The following NECAB1 variants were observed in gnomAD, a reference collection of about 807,000 sequenced individuals.
NECAB1 encodes the protein N-terminal EF-hand calcium binding protein 1.
In NECAB1, 29 loss-of-function variants were observed where a neutral mutation model predicts 57.5. The ratio of observed to expected loss-of-function variants is 0.50; its 90% confidence interval spans 0.38 to 0.69. The LOEUF is 0.69. NECAB1 is among the 30% of genes least tolerant of loss of function. The probability of loss-of-function intolerance (pLI) is 0.00; values close to 1 mark genes in which losing one functional copy is unlikely to be tolerated. For synonymous variants in NECAB1, 142 were observed against 147.7 expected (o/e 0.96, Z 0.28); for missense variants, 372 against 413.8 (o/e 0.90, Z 0.88).
chr8:90,871,971 C>T (rs1292368108), intron 3 of NECAB1, among the ~76,000 whole-genome samples, 157 bp from the exon 4 acceptor site: 1 of 152,116 alleles, frequency 6.6e-6, no homozygotes, highest in African/African-American at 2.4e-5. Context: ...TGACCTAAGA[C>T]TATTTAAATA....
chr8:90,897,142 C>T (rs185862927), intron 5 of NECAB1, among the ~76,000 whole-genome samples: 99 of 152,304 alleles, frequency 6.5e-4, no homozygotes, highest in African/African-American at 2.3e-3. Context: ...TCTTCAATTA[C>T]AAGCCAAATT....
intron 4 of NECAB1, among the ~76,000 whole-genome samples, chr8:90,877,051 G>C (rs1248603451): frequency 6.6e-6 from 1 of 152,150 alleles, no homozygotes; most frequent in Non-Finnish European, 1.5e-5. Flanking sequence ...TACTCACACT[G>C]GTATTGTGAT....
At chr8:90,936,892 T>C (rs1810552712) in intron 9 of NECAB1, among the ~76,000 whole-genome samples, 1 of 152,196 alleles carries the variant, frequency 6.6e-6, no homozygotes, top group Non-Finnish European at 1.5e-5. Context: ...CAATTCTATT[T>C]AGTCCTCCCA....
chr8:90,824,033 ATC>A (rs1812187015), intron 2 of NECAB1, among the ~76,000 whole-genome samples: 1 of 11,644 alleles, frequency 8.6e-5, no homozygotes, highest in Admixed American at 1.2e-3. Flanking sequence ...AATGGAAAGA[ATC>A]TTTTGTTACC....
At chr8:90,947,566 A>G (rs933903514) in intron 10 of NECAB1, among the ~76,000 whole-genome samples, 6 of 151,822 alleles carry the variant, frequency 4.0e-5, no homozygotes, top group African/African-American at 1.5e-4. Context: ...GTGCCCAGCT[A>G]ATTTTTGTAT....
In NECAB1 at chr8:90,918,154, C is replaced by T. The variant is rs557981759; in HGVS notation, c.494+526C>T. ...CCTCCCAAATAGGTGGGATTACAGGCACACACCACCACGTCCAGCTAATTT... is the reference window on the plus strand; with the variant it reads ...CCTCCCAAATAGGTGGGATTACAGGTACACACCACCACGTCCAGCTAATTT... On this transcript the variant is annotated intron_variant, in intron 6 of 12. Transcript: ENST00000417640. Among the ~76,000 whole-genome samples, 8 of 150,778 alleles carry T rather than the reference C, an allele frequency of 5.3e-5. No individual in the cohort carries two copies. In the South Asian group the frequency reaches 1.0e-3, roughly 20 times the overall value.
intron 3 of NECAB1, among the ~76,000 whole-genome samples, chr8:90,825,833 C>T (rs1467437410): frequency 6.6e-6 from 1 of 151,802 alleles, no homozygotes; most frequent in Non-Finnish European, 1.5e-5. Context: ...TTGACAGAAA[C>T]AGTATTCATG....
At chr8:90,923,909 G>A (rs1366551734) in intron 6 of NECAB1, among the ~76,000 whole-genome samples, 2 of 152,156 alleles carry the variant, frequency 1.3e-5, no homozygotes, top group Non-Finnish European at 2.9e-5. Flanking sequence ...TTGTAAAACA[G>A]CAATTCCAGA....
At chr8:90,925,706 GT>G (rs1554576447) in intron 7 of NECAB1, 50 bp downstream of exon 7, 2 of 1,602,388 alleles carry the variant, frequency 1.2e-6, no homozygotes, top group Non-Finnish European at 1.7e-6. Context: ...TTTATCTTGC[GT>G]TTTCCAATTG....
intron 9 of NECAB1, among the ~76,000 whole-genome samples, chr8:90,937,843 G>T (rs956465545): frequency 1.3e-5 from 2 of 152,040 alleles, no homozygotes; most frequent in Non-Finnish European, 2.9e-5. Flanking sequence ...ATATAAAATC[G>T]ACGGATAATG....
chr8:90,876,785 T>C (rs992599928), intron 4 of NECAB1, among the ~76,000 whole-genome samples: 1 of 152,300 alleles, frequency 6.6e-6, no homozygotes, highest in African/African-American at 2.4e-5. Context: ...TACTTTTTCA[T>C]CATACCTAAT....
intron 2 of NECAB1, among the ~76,000 whole-genome samples, chr8:90,819,351 A>G (rs1812107023): frequency 6.6e-6 from 1 of 151,846 alleles, no homozygotes; most frequent in Admixed American, 6.6e-5. Context: ...GCATTTTAGC[A>G]TGATTTGTGA....
intron 2 of NECAB1, among the ~76,000 whole-genome samples, chr8:90,815,641 A>G (rs1397131026): frequency 6.6e-6 from 1 of 152,038 alleles, no homozygotes; most frequent in Non-Finnish European, 1.5e-5. Context: ...AATTGGAATC[A>G]TATATTATGT....
intron 2 of NECAB1, among the ~76,000 whole-genome samples, chr8:90,820,933 A>G (rs562958739): frequency 7.0e-4 from 106 of 152,026 alleles, no homozygotes; most frequent in Non-Finnish European, 1.3e-3. Flanking sequence ...TGTTTTCTAT[A>G]TAGCCTTTCT....
At position 90,917,640 on chromosome 8, in the gene NECAB1, G is replaced by C; in HGVS notation, c.494+12G>C. 6.2e-7 allele frequency: 1 copy of C among 1,600,490 alleles called. No individual in the cohort carries two copies. The highest frequency in any genetic ancestry group is 8.5e-7 in the Non-Finnish European group (1 of 1,172,576). Reference sequence around the variant, plus strand: ...ACCCGTCAAGAAAGGCAATTTACATGTTTTCATCTGATGTCTATTTAGTGA... The same window carrying C: ...ACCCGTCAAGAAAGGCAATTTACATCTTTTCATCTGATGTCTATTTAGTGA... On this transcript the variant is annotated intron_variant, in intron 6 of 12. Coordinates refer to ENST00000417640, the MANE Select transcript of NECAB1 (RefSeq NM_022351.5).
At chr8:90,825,673 CAG>C (rs1424583631) in intron 3 of NECAB1, among the ~76,000 whole-genome samples, 2 of 151,778 alleles carry the variant, frequency 1.3e-5, no homozygotes, top group Non-Finnish European at 2.9e-5. Flanking sequence ...CATCTATAAA[CAG>C]ACATTTTTTT....
intron 3 of NECAB1, among the ~76,000 whole-genome samples, chr8:90,861,024 C>G (rs1812892168): frequency 6.6e-6 from 1 of 152,142 alleles, no homozygotes; most frequent in Non-Finnish European, 1.5e-5. Flanking sequence ...GCTCAGTGCT[C>G]TAAGTAGATG....
intron 3 of NECAB1, among the ~76,000 whole-genome samples, chr8:90,843,991 T>C (rs1188144270): frequency 1.3e-5 from 2 of 152,216 alleles, no homozygotes; most frequent in African/African-American, 2.4e-5. Flanking sequence ...TACTGCCTTT[T>C]TCCTTACAGG....
At chr8:90,913,579 G>C (rs933210149) in intron 5 of NECAB1, among the ~76,000 whole-genome samples, 4 of 152,072 alleles carry the variant, frequency 2.6e-5, no homozygotes, top group African/African-American at 9.7e-5. Flanking sequence ...TACAGGTTTT[G>C]CTCAAAGGAA....
Sources: gnomAD v4.1 joint callset for allele counts (sites outside exome capture counted in the v4.1 genomes callset) on GRCh38, gnomAD v4.1.1 for gene constraint, MANE v1.5 for transcripts, NCBI Gene and HGNC (gene_info 2026-07-23, HGNC 2026-07-21) for gene names.